WWOX: variants seen among roughly 807,000 people sequenced by gnomAD.
WWOX encodes the protein WW domain-containing oxidoreductase.
WWOX carries 69 observed loss-of-function variants against 46.2 expected under a neutral mutation model. That is an observed-to-expected ratio of 1.49 (90% CI 1.23 to 1.82). The LOEUF (loss-of-function observed/expected upper bound fraction) is 1.82, where lower values mean the gene tolerates loss of function less well. Among genes scored for constraint, WWOX ranks in the 40% most tolerant of loss-of-function variants. WWOX has a pLI of 0.00. For synonymous variants in WWOX, 359 were observed against 202.6 expected, an observed-to-expected ratio of 1.77 and a Z score of -6.56; for missense variants, 919 against 542.6, an observed-to-expected ratio of 1.69 and a Z score of -6.89.
At chr16:78,336,409 G>C (rs2080889080) in intron 5 of WWOX, among the ~76,000 whole-genome samples, 1 of 150,472 alleles carries the variant, frequency 6.6e-6, no homozygotes. Context: ...GGGAGGCTGA[G>C]GCAGGAGAAT....
At chr16:78,657,277 C>G (rs1033285620) in intron 8 of WWOX, among the ~76,000 whole-genome samples, 1 of 152,168 alleles carries the variant, frequency 6.6e-6, no homozygotes, top group East Asian at 1.9e-4. Context: ...ACGCTCTTCT[C>G]TGGCTTCCAC....
intron 8 of WWOX, among the ~76,000 whole-genome samples, chr16:79,129,217 C>T (rs2049824693): frequency 6.6e-6 from 1 of 151,524 alleles, no homozygotes; most frequent in South Asian, 2.1e-4. Flanking sequence ...GGGGAGAGAC[C>T]ATCAGGGCCT....
intron 8 of WWOX, among the ~76,000 whole-genome samples, chr16:78,521,271 G>T (rs1002165309): frequency 6.6e-6 from 1 of 152,084 alleles, no homozygotes; most frequent in African/African-American, 2.4e-5. Flanking sequence ...TGCCCAGGCT[G>T]GTCTCTAACT....
At position 78,475,107 on chromosome 16, in the gene WWOX, T is replaced by G. The variant is rs528489908; in HGVS notation, c.1056+42355T>G. On this transcript the variant is annotated intron_variant, in intron 8 of 8. Coordinates refer to ENST00000566780, the MANE Select transcript of WWOX (RefSeq NM_016373.4). ...GACTGATAAAACCACTGCTCATTAC[T>G]TGGTTCTTAAACTCTCCCTCAATAT... Among the ~76,000 whole-genome samples, 3 of 152,310 alleles carry G rather than the reference T, an allele frequency of 2.0e-5. No homozygotes were observed. The South Asian group carries it at 6.2e-4, about 32-fold the overall frequency.
chr16:78,382,573 C>G (rs778583339), intron 5 of WWOX, among the ~76,000 whole-genome samples: 2 of 152,194 alleles, frequency 1.3e-5, no homozygotes, highest in African/African-American at 4.8e-5. Flanking sequence ...ATTCAGCCCA[C>G]GTCTTACTGA....
At chr16:78,466,293 A>G (rs2084076740) in intron 8 of WWOX, among the ~76,000 whole-genome samples, 1 of 152,084 alleles carries the variant, frequency 6.6e-6, no homozygotes, top group South Asian at 2.1e-4. Context: ...GGCCTCCCAA[A>G]GTGCTGGGAT....
chr16:78,570,167 CTT>C (rs962404839), intron 8 of WWOX, among the ~76,000 whole-genome samples: 2 of 152,124 alleles, frequency 1.3e-5, no homozygotes, highest in Non-Finnish European at 2.9e-5. Flanking sequence ...AGAAATTTAA[CTT>C]TGCAAACAAA....
At chr16:78,842,321 C>T (rs1336441951) in intron 8 of WWOX, among the ~76,000 whole-genome samples, 1 of 146,540 alleles carries the variant, frequency 6.8e-6, no homozygotes, top group African/African-American at 2.5e-5. Flanking sequence ...TAGGCAGACC[C>T]CATCTCTAAA....
chr16:78,115,171 G>T lies in WWOX; in HGVS notation c.409+17G>T, dbSNP rs771445250. On this transcript the variant is annotated intron_variant, in intron 4 of 8. Coordinates refer to ENST00000566780, the MANE Select transcript of WWOX (RefSeq NM_016373.4). ...CAGGAATAGGTAGGCTCTTCACTTA[G>T]TTATTTATCTTTGGGACTGCTATAA... 35 of 1,613,984 alleles carry T rather than the reference G, an allele frequency of 2.2e-5. No homozygotes were observed. Among genetic ancestry groups the T allele is most frequent in the African/African-American group, 2.7e-5 (2 of 74,916 alleles).
chr16:78,896,820 A>T (rs780573790), intron 8 of WWOX: 1 of 152,076 alleles, frequency 6.6e-6, no homozygotes, highest in African/African-American at 2.4e-5. Flanking sequence ...ATTGAGACAT[A>T]ATTTACATAA....
At chr16:78,996,788 T>A (rs953202812) in intron 8 of WWOX, among the ~76,000 whole-genome samples, 1 of 152,118 alleles carries the variant, frequency 6.6e-6, no homozygotes, top group African/African-American at 2.4e-5. Context: ...CTGCCTCGTA[T>A]GGAAAACACC....
At position 78,707,694 on chromosome 16, in the gene WWOX, C is replaced by T. The variant is rs141699356; in HGVS notation, c.1056+274942C>T. Among the ~76,000 whole-genome samples, 280 of 152,128 alleles carry T rather than the reference C, an allele frequency of 1.8e-3. 13 individuals carry two copies. The East Asian group carries it at 0.051, about 28-fold the overall frequency. On this transcript the variant is annotated intron_variant, in intron 8 of 8. Coordinates refer to ENST00000566780, the MANE Select transcript of WWOX (RefSeq NM_016373.4). ...GGTCAGGCATTCAGGACTAGCCTGG[C>T]CAACATGGTGAAACCCCATCTCTAC...
chr16:78,850,454 G>T (rs1245882584), intron 8 of WWOX, among the ~76,000 whole-genome samples: 1 of 152,186 alleles, frequency 6.6e-6, no homozygotes, highest in Non-Finnish European at 1.5e-5. Context: ...GTGATAGAAA[G>T]TCCTTATAGC....
At chr16:79,073,938 G>GT (rs1044132394) in intron 8 of WWOX, among the ~76,000 whole-genome samples, 8 of 151,676 alleles carry the variant, frequency 5.3e-5, no homozygotes, top group Non-Finnish European at 1.0e-4. Context: ...AATTCTCAAT[G>GT]TTTTTTTAAA....
chr16:78,873,588 GC>G (rs941712446), intron 8 of WWOX: 6 of 151,900 alleles, frequency 3.9e-5, no homozygotes, highest in Non-Finnish European at 7.4e-5. Flanking sequence ...GGAGTTGGAG[GC>G]TAGCCTGGGG....
chr16:78,722,710 T>TG (rs1555523450), intron 8 of WWOX, among the ~76,000 whole-genome samples: 62 of 150,346 alleles, frequency 4.1e-4, no homozygotes, highest in African/African-American at 1.5e-3. Context: ...TTTTTTTTTT[T>TG]TTTTTTTTTT....
intron 8 of WWOX, among the ~76,000 whole-genome samples, chr16:78,949,868 G>A (rs1029696691): frequency 6.6e-6 from 1 of 152,178 alleles, no homozygotes. Context: ...AACTTTTTAT[G>A]GCTCTCAGCC....
intron 8 of WWOX, among the ~76,000 whole-genome samples, chr16:78,819,486 C>T (rs1567582441): frequency 1.3e-5 from 2 of 152,146 alleles, no homozygotes; most frequent in Non-Finnish European, 1.5e-5. Context: ...CTAGAAATTT[C>T]TGCATAATCC....
At chr16:78,359,955 T>G (rs1384275926) in intron 5 of WWOX, among the ~76,000 whole-genome samples, 1 of 152,208 alleles carries the variant, frequency 6.6e-6, no homozygotes, top group Non-Finnish European at 1.5e-5. Context: ...CAAATTTGCC[T>G]TCACTATTCA....
Sources: gnomAD v4.1 joint callset for allele counts (sites outside exome capture counted in the v4.1 genomes callset) on GRCh38, gnomAD v4.1.1 for gene constraint, MANE v1.5 for transcripts, NCBI Gene and HGNC (gene_info 2026-07-23, HGNC 2026-07-21) for gene names.